KSR2: variants seen among roughly 807,000 people sequenced by gnomAD.
KSR2 encodes the protein kinase suppressor of ras 2.
In KSR2, 25 loss-of-function variants were observed where a neutral mutation model predicts 107.8. The ratio of observed to expected loss-of-function variants is 0.23; its 90% CI spans 0.17 to 0.32. KSR2 has a LOEUF of 0.32. Ranked by LOEUF, KSR2 falls within the 10% of genes least tolerant of loss-of-function variation. The probability of loss-of-function intolerance (pLI) is 1.00; values close to 1 mark genes in which losing one functional copy is unlikely to be tolerated. For synonymous variants in KSR2, 480 were observed against 507.0 expected (o/e 0.95, Z 0.71); for missense variants, 887 against 1,268.9 (o/e 0.70, Z 4.57).
chr12:117,534,241 A>G (rs1014151562), intron 10 of KSR2, among the ~76,000 whole-genome samples: 2 of 152,160 alleles, frequency 1.3e-5, no homozygotes, highest in African/African-American at 4.8e-5. Context: ...TTCTCTGCCT[A>G]AACCTTTCAA....
chr12:117,642,188 C>T (rs1452563429), intron 5 of KSR2, among the ~76,000 whole-genome samples: 1 of 152,210 alleles, frequency 6.6e-6, no homozygotes, highest in African/African-American at 2.4e-5. Context: ...TTCCACTTTG[C>T]AGCTCTTAAC....
intron 5 of KSR2, among the ~76,000 whole-genome samples, chr12:117,604,301 T>C (rs1881112038): frequency 6.6e-6 from 1 of 152,204 alleles, no homozygotes; most frequent in African/African-American, 2.4e-5. Context: ...CTTCCCAGCA[T>C]GTCAGAATGG....
intron 3 of KSR2, among the ~76,000 whole-genome samples, chr12:117,795,146 C>T (rs575145886): frequency 2.3e-4 from 35 of 152,328 alleles, no homozygotes; most frequent in African/African-American, 8.4e-4. Flanking sequence ...ACTCATCATT[C>T]TTCCAGCCTC....
chr12:117,874,970 C>A (rs1032590266), intron 1 of KSR2, among the ~76,000 whole-genome samples: 2 of 152,146 alleles, frequency 1.3e-5, no homozygotes, highest in Non-Finnish European at 2.9e-5. Flanking sequence ...TCACAGGTTG[C>A]GGAAATCCGA....
intron 4 of KSR2, among the ~76,000 whole-genome samples, chr12:117,681,283 T>A (rs1432365647): frequency 2.0e-5 from 3 of 151,928 alleles, no homozygotes; most frequent in African/African-American, 7.3e-5. Flanking sequence ...AATAAATACA[T>A]AAATAAATGA....
At chr12:117,623,555 G>C (rs914838927) in intron 5 of KSR2, among the ~76,000 whole-genome samples, 1 of 152,178 alleles carries the variant, frequency 6.6e-6, no homozygotes, top group Non-Finnish European at 1.5e-5. Flanking sequence ...CAAAGGACAT[G>C]AACTCATCCT....
chr12:117,815,262 A>G (rs1891328076), intron 3 of KSR2, among the ~76,000 whole-genome samples: 1 of 152,222 alleles, frequency 6.6e-6, no homozygotes. Flanking sequence ...ATCGACCTCA[A>G]TGCCCATCAA....
chr12:117,831,803 AC>A (rs1235373153), intron 3 of KSR2, among the ~76,000 whole-genome samples: 1 of 152,224 alleles, frequency 6.6e-6, no homozygotes, highest in African/African-American at 2.4e-5. Flanking sequence ...ACAGCCAAGT[AC>A]CCCACACAAT....
intron 4 of KSR2, among the ~76,000 whole-genome samples, chr12:117,705,225 A>G (rs1457807518): frequency 6.6e-6 from 1 of 152,216 alleles, no homozygotes; most frequent in Non-Finnish European, 1.5e-5. Context: ...AAGTTCTCCC[A>G]GGAAGCTAAG....
intron 1 of KSR2, among the ~76,000 whole-genome samples, chr12:117,965,801 C>A (rs1301832367): frequency 1.3e-5 from 2 of 152,192 alleles, no homozygotes; most frequent in African/African-American, 4.8e-5. Context: ...GGGTTAGAGG[C>A]TAAGAATCTG....
intron 3 of KSR2, among the ~76,000 whole-genome samples, chr12:117,770,447 C>A (rs910545047): frequency 6.6e-6 from 1 of 151,956 alleles, no homozygotes; most frequent in African/African-American, 2.4e-5. Context: ...CCTGCCAACA[C>A]CCGATTTCAG....
Position 117,494,402 on chromosome 12 carries a change from G to T in KSR2, c.2220-8711C>A, listed in dbSNP as rs12298648. Among the ~76,000 whole-genome samples the T allele has an allele frequency of 3.6e-3, 550 of 152,282 alleles. 3 individuals are homozygous for T. The highest frequency in any genetic ancestry group is 0.013 in the African/African-American group (523 of 41,556). Reference sequence around the variant, plus strand: ...AGCTTTGTTAAAACAAAGGTGGCTGGCACTACCCCAACCACCTTTAACCTG... The same window carrying T: ...AGCTTTGTTAAAACAAAGGTGGCTGTCACTACCCCAACCACCTTTAACCTG... On this transcript the variant is annotated intron_variant, in intron 14 of 19. Transcript: ENST00000339824.
intron 3 of KSR2, among the ~76,000 whole-genome samples, chr12:117,804,327 G>A (rs562121560): frequency 1.3e-5 from 2 of 152,318 alleles, no homozygotes; most frequent in Non-Finnish European, 2.9e-5. Context: ...ACAGGCGTGA[G>A]CCACCGCACC....
chr12:117,822,199 C>T (rs1366410683), intron 3 of KSR2, among the ~76,000 whole-genome samples: 2 of 152,174 alleles, frequency 1.3e-5, no homozygotes, highest in African/African-American at 2.4e-5. Context: ...CAAGAAATAA[C>T]CATAAAAATG....
chr12:117,655,761 G>A (rs1884125265), intron 5 of KSR2, among the ~76,000 whole-genome samples: 1 of 152,188 alleles, frequency 6.6e-6, no homozygotes, highest in African/African-American at 2.4e-5. Flanking sequence ...GCTAAGAAGG[G>A]AGTTACAATG....
At chr12:117,704,084 A>G (rs951905410) in intron 4 of KSR2, among the ~76,000 whole-genome samples, 2 of 151,900 alleles carry the variant, frequency 1.3e-5, no homozygotes, top group Non-Finnish European at 2.9e-5. Context: ...AATCTTCAAG[A>G]TTATCTGAAA....
chr12:117,836,256 C>G (rs969238308), intron 3 of KSR2, among the ~76,000 whole-genome samples: 3 of 152,162 alleles, frequency 2.0e-5, no homozygotes, highest in African/African-American at 7.2e-5. Flanking sequence ...CGGTACCCAT[C>G]ATGGAGTGGA....
intron 1 of KSR2, among the ~76,000 whole-genome samples, chr12:117,966,609 T>TCACACACACACACACA (rs1347077824): frequency 1.0e-5 from 1 of 98,216 alleles, no homozygotes; most frequent in African/African-American, 4.4e-5. Flanking sequence ...TCTCTCTCTC[T>TCACACACACACACACA]CTCACACGCG....
intron 3 of KSR2, among the ~76,000 whole-genome samples, chr12:117,769,229 T>A (rs1889351156): frequency 6.6e-6 from 1 of 152,112 alleles, no homozygotes; most frequent in South Asian, 2.1e-4. Flanking sequence ...AGTGGGTTTT[T>A]TTTTTCTACA....
Sources: allele counts gnomAD v4.1 joint callset (sites outside exome capture counted in the v4.1 genomes callset), GRCh38; gene constraint gnomAD v4.1.1; transcripts MANE v1.5; gene names NCBI Gene and HGNC (gene_info 2026-07-23, HGNC 2026-07-21).